The following CNTN4 variants were observed in gnomAD, a reference collection of about 807,000 sequenced individuals.
CNTN4 encodes contactin-4.
A neutral mutation model predicts 122.5 loss-of-function variants in CNTN4; 77 were observed. The observed-to-expected ratio is 0.63, with a 90% CI of 0.52 to 0.76. CNTN4 has a LOEUF of 0.76. Among genes scored for constraint, CNTN4 ranks in the 30% least tolerant of loss-of-function variants. The pLI, the probability that CNTN4 is intolerant of heterozygous loss-of-function variation, is 0.00. For synonymous variants in CNTN4, 512 were observed against 447.0 expected (o/e 1.15, Z -1.83); for missense variants, 1,256 against 1,259.1 (o/e 1.00, Z 0.04).
At chr3:2,501,123 G>T (rs1017514817) in intron 3 of CNTN4, among the ~76,000 whole-genome samples, 1 of 152,118 alleles carries the variant, frequency 6.6e-6, no homozygotes, top group Non-Finnish European at 1.5e-5. Flanking sequence ...ATTTTTAGCA[G>T]ATTTTTTTGT....
intron 7 of CNTN4, among the ~76,000 whole-genome samples, chr3:2,853,221 T>C (rs1002002137): frequency 7.9e-5 from 12 of 152,136 alleles, no homozygotes; most frequent in Non-Finnish European, 1.3e-4. Context: ...GAGTTTTTTA[T>C]AAAATGAATT....
intron 2 of CNTN4, among the ~76,000 whole-genome samples, chr3:2,217,336 G>A (rs754231560): frequency 4.6e-5 from 7 of 152,088 alleles, no homozygotes; most frequent in Non-Finnish European, 7.3e-5. Context: ...TTCTGACCTC[G>A]AGGGCTGGTC....
intron 6 of CNTN4, among the ~76,000 whole-genome samples, chr3:2,759,574 C>T (rs1330757099): frequency 6.6e-6 from 1 of 152,092 alleles, no homozygotes; most frequent in Non-Finnish European, 1.5e-5. Context: ...AATAATGCTG[C>T]TATGAACATT....
chr3:2,203,380 T>A (rs1475295458), intron 2 of CNTN4, among the ~76,000 whole-genome samples: 1 of 152,146 alleles, frequency 6.6e-6, no homozygotes, highest in East Asian at 1.9e-4. Flanking sequence ...GGTGCTACTA[T>A]GATGTTGTTA....
intron 3 of CNTN4, among the ~76,000 whole-genome samples, chr3:2,419,762 G>A (rs9843256): frequency 0.63 from 95,494 of 151,480 alleles, 30,383 homozygotes; most frequent in East Asian, 0.77. Flanking sequence ...TATTAAATGA[G>A]TTTACCATGT....
At chr3:2,317,015 A>T (rs76714565) in intron 2 of CNTN4, among the ~76,000 whole-genome samples, 1 of 152,232 alleles carries the variant, frequency 6.6e-6, no homozygotes, top group East Asian at 1.9e-4. Flanking sequence ...ATACATGCAC[A>T]CTATCACCAT....
chr3:2,517,799 T>C (rs775956641), intron 3 of CNTN4, among the ~76,000 whole-genome samples: 1 of 152,154 alleles, frequency 6.6e-6, no homozygotes, highest in Non-Finnish European at 1.5e-5. Flanking sequence ...GCATAATGCT[T>C]GACTCCAGGG....
chr3:2,996,177 T>G (rs1695517232), intron 14 of CNTN4, among the ~76,000 whole-genome samples: 1 of 152,136 alleles, frequency 6.6e-6, no homozygotes. Flanking sequence ...TTGGGTAAAT[T>G]TTTAATATAT....
At chr3:2,188,261 T>C (rs1021046312) in intron 2 of CNTN4, among the ~76,000 whole-genome samples, 1 of 152,080 alleles carries the variant, frequency 6.6e-6, no homozygotes, top group Non-Finnish European at 1.5e-5. Flanking sequence ...CATTGAGAGG[T>C]CCCTAATAAT....
chr3:2,287,692 AGG>A (rs2041971781), intron 2 of CNTN4, among the ~76,000 whole-genome samples: 24 of 91,838 alleles, frequency 2.6e-4, no homozygotes, highest in African/African-American at 9.2e-4. Context: ...GAAGAAGAAG[AGG>A]AAGAAGAAGA....
chr3:2,796,933 C>T (rs910191051), intron 6 of CNTN4, among the ~76,000 whole-genome samples: 4 of 152,158 alleles, frequency 2.6e-5, no homozygotes, highest in African/African-American at 9.6e-5. Context: ...CAGATTCCTA[C>T]AGTAGCCCTT....
At chr3:2,350,263 C>T (rs538130847) in intron 3 of CNTN4, among the ~76,000 whole-genome samples, 11 of 152,264 alleles carry the variant, frequency 7.2e-5, no homozygotes, top group African/African-American at 2.4e-4. Context: ...TTGGTAATGA[C>T]AGAACCTAAG....
intron 2 of CNTN4, among the ~76,000 whole-genome samples, chr3:2,264,506 C>A (rs1046032223): frequency 6.6e-6 from 1 of 151,966 alleles, no homozygotes; most frequent in Admixed American, 6.6e-5. Flanking sequence ...CTCATGTATT[C>A]TGGTGATTAA....
rs148826732 is a variant in CNTN4 at position 2,758,296 on chromosome 3, G to A, written c.358+12599G>A. ...AAATATTTGTGGAATAAATGAAGCT[G>A]AATGAACCAATGAAGGAATATAAGA... On this transcript the variant is annotated intron_variant, in intron 6 of 24. Coordinates refer to ENST00000418658, the MANE Select transcript of CNTN4 (RefSeq NM_175607.3). Among the ~76,000 whole-genome samples the A allele has an allele frequency of 3.0e-3, 456 of 152,276 alleles. 1 individual carries two copies. Among genetic ancestry groups the A allele is most frequent in the African/African-American group, 0.01 (432 of 41,558 alleles).
chr3:2,541,473 A>G (rs1397762015), intron 3 of CNTN4, among the ~76,000 whole-genome samples: 1 of 152,164 alleles, frequency 6.6e-6, no homozygotes, highest in African/African-American at 2.4e-5. Flanking sequence ...GGCAGGGTTT[A>G]TATAAAATTC....
chr3:2,464,604 G>A (rs967414846), intron 3 of CNTN4, among the ~76,000 whole-genome samples: 2 of 152,030 alleles, frequency 1.3e-5, no homozygotes, highest in Admixed American at 6.6e-5. Context: ...ATCGCCTGGG[G>A]ACGAATTAAA....
At chr3:2,864,591 T>C (rs1200748280) in intron 7 of CNTN4, among the ~76,000 whole-genome samples, 1 of 151,472 alleles carries the variant, frequency 6.6e-6, no homozygotes, top group Non-Finnish European at 1.5e-5. Flanking sequence ...ATACAAAAAT[T>C]AGCCAAGCGT....
chr3:2,990,097 CTG>C (rs1577527719), intron 14 of CNTN4, among the ~76,000 whole-genome samples: 2 of 151,940 alleles, frequency 1.3e-5, no homozygotes, highest in Admixed American at 6.6e-5. Flanking sequence ...GCTTTGATAA[CTG>C]TGAAAATCCA....
At chr3:2,318,433 A>T (rs997857496) in intron 2 of CNTN4, among the ~76,000 whole-genome samples, 2 of 152,114 alleles carry the variant, frequency 1.3e-5, no homozygotes, top group Non-Finnish European at 2.9e-5. Flanking sequence ...GTTCTTTTTG[A>T]CACATCAGGA....
Sources: allele counts gnomAD v4.1 joint callset (sites outside exome capture counted in the v4.1 genomes callset), GRCh38; gene constraint gnomAD v4.1.1; transcripts MANE v1.5; gene names NCBI Gene and HGNC (gene_info 2026-07-23, HGNC 2026-07-21).